CCDC91: variants seen among roughly 807,000 people sequenced by gnomAD.
CCDC91 encodes the protein coiled-coil domain-containing protein 91.
Under a neutral mutation model 63.2 loss-of-function variants are expected in CCDC91, and 48 were observed. The ratio of observed to expected loss-of-function variants is 0.76; its 90% confidence interval spans 0.60 to 0.97. The LOEUF (loss-of-function observed/expected upper bound fraction) is 0.97, where lower values mean the gene tolerates loss of function less well. CCDC91 is among the 50% of genes least tolerant of loss of function. The pLI is 0.00. For missense variants in CCDC91, 500 were observed against 494.6 expected (o/e 1.01, Z -0.10); for synonymous variants, 167 against 165.8 (o/e 1.01, Z -0.06).
At position 28,362,313 on chromosome 12, in the gene CCDC91, A is replaced by G. The variant is rs1365009106; in HGVS notation, c.577-125A>G. 7 of 506,382 alleles carry G rather than the reference A, an allele frequency of 1.4e-5. No individual in the cohort carries two copies. In the Admixed American group the frequency reaches 2.2e-4, roughly 16 times the overall value. 31.4% of individuals were successfully genotyped at this position (506,382 alleles called of 1,614,324 possible). On this transcript the variant is annotated intron_variant, in intron 6 of 12. Coordinates refer to ENST00000536442, the MANE Select transcript of CCDC91 (RefSeq NM_018318.5). ...ATATATATGTTTTCTCTTTGTTTCC[A>G]GCTGTAGCATTGATGTGCCACAAAC... is the stretch of plus-strand genomic sequence containing the variant.
chr12:28,362,333 A>T (rs1464467727), intron 6 of CCDC91, 105 bp from the exon 7 acceptor site: 1 of 628,880 alleles, frequency 1.6e-6, no homozygotes, highest in Admixed American at 3.2e-5. Context: ...TTGATGTGCC[A>T]CAAACCACTG....
chr12:28,539,550 A>G (rs1159156516), intron 12 of CCDC91, among the ~76,000 whole-genome samples: 1 of 152,162 alleles, frequency 6.6e-6, no homozygotes, highest in Non-Finnish European at 1.5e-5. Context: ...TGATGCCTCC[A>G]GCTTTGTTCT....
At chr12:28,445,322 C>CA (rs913513538) in intron 8 of CCDC91, among the ~76,000 whole-genome samples, 3 of 152,022 alleles carry the variant, frequency 2.0e-5, no homozygotes, top group Non-Finnish European at 2.9e-5. Context: ...CCCTCCCCCA[C>CA]AAAAAACCCC....
intron 12 of CCDC91, among the ~76,000 whole-genome samples, chr12:28,514,857 G>C (rs1158591645): frequency 6.6e-6 from 1 of 151,448 alleles, no homozygotes; most frequent in Non-Finnish European, 1.5e-5. Flanking sequence ...CAGATGCTGT[G>C]ACCTACTAGA....
At chr12:28,333,538 G>C (rs1941684224) in intron 6 of CCDC91, among the ~76,000 whole-genome samples, 1 of 152,092 alleles carries the variant, frequency 6.6e-6, no homozygotes, top group Non-Finnish European at 1.5e-5. Context: ...CTTAAATATG[G>C]AATCTTCGAA....
chr12:28,407,877 C>G (rs577223661), intron 8 of CCDC91, among the ~76,000 whole-genome samples: 1 of 151,246 alleles, frequency 6.6e-6, no homozygotes, highest in Non-Finnish European at 1.5e-5. Context: ...TTTTAGTTTT[C>G]AATTTCAATT....
At chr12:28,296,603 C>T (rs1408077827) in intron 3 of CCDC91, among the ~76,000 whole-genome samples, 1 of 151,578 alleles carries the variant, frequency 6.6e-6, no homozygotes, top group African/African-American at 2.4e-5. Context: ...TCCTAAAATC[C>T]ATTATATTAC....
At chr12:28,521,886 TGTATGG>T (rs1220361428) in intron 12 of CCDC91, among the ~76,000 whole-genome samples, 1 of 152,138 alleles carries the variant, frequency 6.6e-6, no homozygotes, top group Non-Finnish European at 1.5e-5. Context: ...TATTGATTTG[TGTATGG>T]CAAACCAGCC....
At chr12:28,373,309 G>T (rs1793680340) in intron 7 of CCDC91, among the ~76,000 whole-genome samples, 1 of 151,994 alleles carries the variant, frequency 6.6e-6, no homozygotes, top group African/African-American at 2.4e-5. Context: ...CTAGGTGTGT[G>T]TCTTTTCATT....
chr12:28,328,385 A>C (rs879510696), intron 6 of CCDC91, among the ~76,000 whole-genome samples: 2 of 152,212 alleles, frequency 1.3e-5, no homozygotes, highest in Non-Finnish European at 2.9e-5. Context: ...AAAAAATCAG[A>C]ATTAGTGACT....
intron 12 of CCDC91, among the ~76,000 whole-genome samples, chr12:28,524,011 A>G (rs939882227): frequency 4.6e-5 from 7 of 152,158 alleles, no homozygotes; most frequent in Admixed American, 4.6e-4. Flanking sequence ...CAGATTCACC[A>G]AAGTTGAAAT....
At chr12:28,397,676 A>AT (rs1040058610) in intron 8 of CCDC91, among the ~76,000 whole-genome samples, 11 of 151,868 alleles carry the variant, frequency 7.2e-5, no homozygotes, top group East Asian at 1.9e-4. Flanking sequence ...GCATTTATGA[A>AT]TTTTTTTTGA....
chr12:28,492,623 G>A (rs888099826), intron 12 of CCDC91, among the ~76,000 whole-genome samples: 3 of 151,306 alleles, frequency 2.0e-5, no homozygotes, highest in Non-Finnish European at 4.4e-5. Context: ...ATTAAAGCCC[G>A]CAGTAGTTAG....
At chr12:28,306,708 C>G (rs1239588656) in intron 4 of CCDC91, 34 bp from the exon 5 acceptor site, 1 of 1,455,036 alleles carries the variant, frequency 6.9e-7, no homozygotes, top group Non-Finnish European at 9.5e-7. Context: ...GTAAACTTTC[C>G]TCTCTTGTGT....
chr12:28,363,963 G>GTT (rs5797270), intron 7 of CCDC91, among the ~76,000 whole-genome samples: 41 of 138,598 alleles, frequency 3.0e-4, no homozygotes, highest in Admixed American at 6.6e-4. Context: ...AGTGAAAAGT[G>GTT]TTTTTTTTTT....
Position 28,402,138 on chromosome 12 carries a change from C to T in CCDC91, c.762+10727C>T, listed in dbSNP as rs183568228. Among the ~76,000 whole-genome samples the T allele has an allele frequency of 1.6e-4, 25 of 152,154 alleles. No homozygotes were observed. The East Asian group carries it at 4.3e-3, about 26-fold the overall frequency. On this transcript the variant is annotated intron_variant, in intron 8 of 12. Coordinates refer to ENST00000536442, the MANE Select transcript of CCDC91 (RefSeq NM_018318.5). ...TTGTGTTGTGGGGGATTCCCCTGTGCGTTACATGATACTTAACAGCATCCG... is the reference window on the plus strand; with the variant it reads ...TTGTGTTGTGGGGGATTCCCCTGTGTGTTACATGATACTTAACAGCATCCG...
chr12:28,273,977 T>A (rs1947994405), intron 3 of CCDC91, among the ~76,000 whole-genome samples: 1 of 152,194 alleles, frequency 6.6e-6, no homozygotes, highest in Non-Finnish European at 1.5e-5. Context: ...GTTTTAGGTC[T>A]AACATTTAAG....
chr12:28,259,551 C>T (rs1320905865), intron 3 of CCDC91, 109 bp downstream of exon 3: 16 of 672,984 alleles, frequency 2.4e-5, no homozygotes, highest in Non-Finnish European at 4.2e-5. Flanking sequence ...CTTCACTGAT[C>T]TGAAAAATGG....
intron 7 of CCDC91, among the ~76,000 whole-genome samples, chr12:28,377,198 T>C (rs1565881573): frequency 6.6e-6 from 1 of 151,510 alleles, no homozygotes; most frequent in Non-Finnish European, 1.5e-5. Flanking sequence ...AACTCTCATC[T>C]AGAGAGGTTT....
Sources: allele counts gnomAD v4.1 joint callset (sites outside exome capture counted in the v4.1 genomes callset), GRCh38; gene constraint gnomAD v4.1.1; transcripts MANE v1.5; gene names NCBI Gene and HGNC (gene_info 2026-07-23, HGNC 2026-07-21).